The following UBAP2 variants were observed in gnomAD, a reference collection of about 807,000 sequenced individuals.
The protein encoded by UBAP2 is ubiquitin associated protein 2, also known as ubiquitin-associated protein 2.
UBAP2 carries 75 observed loss-of-function variants against 139.6 expected under a neutral mutation model. The ratio of observed to expected loss-of-function variants is 0.54; its 90% CI spans 0.45 to 0.65. The LOEUF (loss-of-function observed/expected upper bound fraction) is 0.65, where lower values mean the gene tolerates loss of function less well. UBAP2 is among the 30% of genes least tolerant of loss of function. The pLI, the probability that UBAP2 is intolerant of heterozygous loss-of-function variation, is 0.00. For synonymous variants in UBAP2, 526 were observed against 526.2 expected, an observed-to-expected ratio of 1.00 and a Z score of 0.01; for missense variants, 1,368 against 1,369.6, an observed-to-expected ratio of 1.00 and a Z score of 0.02.
At chr9:33,933,697 A>T in intron 17 of UBAP2, 69 bp from the exon 18 acceptor site, 1 of 1,575,454 alleles carries the variant, frequency 6.3e-7, no homozygotes, top group Admixed American at 1.7e-5. Flanking sequence ...AGTGCCTGAA[A>T]ATATGCTCAA....
intron 6 of UBAP2, among the ~76,000 whole-genome samples, chr9:33,978,847 G>A (rs1820390368): frequency 6.6e-6 from 1 of 152,108 alleles, no homozygotes; most frequent in Admixed American, 6.6e-5. Flanking sequence ...AAACAGTAAG[G>A]TAAAGCAGTG....
At chr9:34,004,645 G>A (rs528872483) in intron 2 of UBAP2, among the ~76,000 whole-genome samples, 18 of 151,826 alleles carry the variant, frequency 1.2e-4, no homozygotes, top group Non-Finnish European at 1.8e-4. Context: ...TTAGCCGAGC[G>A]TGGTGGCGGG....
intron 10 of UBAP2, among the ~76,000 whole-genome samples, chr9:33,958,346 A>G (rs7020042): frequency 0.4 from 60,472 of 151,874 alleles, 12,428 homozygotes; most frequent in South Asian, 0.48. Context: ...AAGAGAAAAA[A>G]TAAATGAGAA....
At chr9:33,937,505 G>T (rs1207903634) in intron 16 of UBAP2, among the ~76,000 whole-genome samples, 1 of 150,918 alleles carries the variant, frequency 6.6e-6, no homozygotes, top group African/African-American at 2.4e-5. Flanking sequence ...TAGTCGGGAG[G>T]CTGAGGAAAG....
chr9:34,032,894 C>T (rs892171809), intron 1 of UBAP2, among the ~76,000 whole-genome samples: 1 of 131,766 alleles, frequency 7.6e-6, no homozygotes, highest in African/African-American at 2.8e-5. Context: ...CTGGCCTGGG[C>T]AACAGAGCAA....
At chr9:33,995,800 A>G (rs937343227) in intron 4 of UBAP2, 22 of 151,640 alleles carry the variant, frequency 1.5e-4, no homozygotes, top group African/African-American at 5.3e-4. Context: ...AAAAAAAAAA[A>G]GAAAACTTAA....
chr9:33,983,519 T>C (rs1820946284), intron 6 of UBAP2, among the ~76,000 whole-genome samples: 1 of 152,174 alleles, frequency 6.6e-6, no homozygotes, highest in African/African-American at 2.4e-5. Flanking sequence ...ACAATGATAT[T>C]TTAACCAGAA....
At position 34,041,852 on chromosome 9, in the gene UBAP2, C is replaced by T. The variant is rs7028987; in HGVS notation, c.-42+6973G>A. 6.4e-3 allele frequency among the ~76,000 whole-genome samples: 979 copies of T among 151,982 alleles called. 15 individuals carry two copies. The highest frequency in any genetic ancestry group is 0.022 in the African/African-American group (909 of 41,462). ...CAGCCTGGCTAACACAAGGAAACCC[C>T]GTCTCTACCAAAAAATACAAAAATT... On this transcript the variant is annotated intron_variant, in intron 1 of 28. Coordinates refer to ENST00000379238, the MANE Select transcript of UBAP2 (RefSeq NM_001370062.2).
At chr9:33,999,042 A>G (rs943869924) in intron 2 of UBAP2, among the ~76,000 whole-genome samples, 178 bp from the exon 3 acceptor site, 1 of 152,224 alleles carries the variant, frequency 6.6e-6, no homozygotes, top group African/African-American at 2.4e-5. Flanking sequence ...AAAAATAAGC[A>G]TCAAATTAAG....
At position 34,008,803 on chromosome 9, in the gene UBAP2, G is replaced by GA. The variant is rs1188195244; in HGVS notation, c.99+8246dup. ...AACATGGTGAAACCCCGTCTCTACT[G>GA]AAAAAACAAAAATTAGCTGAGCACA... is the stretch of plus-strand genomic sequence containing the variant. On this transcript the variant is annotated intron_variant, in intron 2 of 28. Coordinates refer to ENST00000379238, the MANE Select transcript of UBAP2 (RefSeq NM_001370062.2). 4.0e-5 allele frequency among the ~76,000 whole-genome samples: 6 copies of GA among 151,124 alleles called. No individual in the cohort carries two copies. In the East Asian group the frequency reaches 9.8e-4, roughly 25 times the overall value.
chr9:33,922,685 A>C lies in UBAP2; in HGVS notation c.3264+2T>G. 1 of 1,555,344 alleles carries C rather than the reference A, an allele frequency of 6.4e-7. No individual in the cohort carries two copies. ...GGTGGCTGCCTCCATCACTGTACTC[A>C]CCTGTGCATCCTGCGGAAGGTGGTG... On this transcript the variant is annotated splice_donor_variant, in intron 28 of 28. Transcript: ENST00000379238. LOFTEE classifies it high-confidence loss of function.
At position 33,968,262 on chromosome 9, in the gene UBAP2, C is replaced by G. The variant is rs1225932703; in HGVS notation, c.679+3389G>C. 20 of 620,412 alleles carry G rather than the reference C, an allele frequency of 3.2e-5. No individual in the cohort carries two copies. The Admixed American group carries it at 3.7e-4, about 12-fold the overall frequency. The allele number at this position is 620,412 out of a possible 1,614,324, so 38.4% of individuals were successfully genotyped here. On this transcript the variant is annotated intron_variant, in intron 8 of 28. Coordinates refer to ENST00000379238, the MANE Select transcript of UBAP2 (RefSeq NM_001370062.2). ...GTAAACAGGAAGCTGGATGCAAGTC[C>G]TTCCATAATATACTGTCCATTTACT...
chr9:34,035,514 A>AAAATATATATATATATATAT, intron 1 of UBAP2, among the ~76,000 whole-genome samples: 546 of 22,438 alleles, frequency 0.024, 44 homozygotes, highest in Middle Eastern at 0.056. Context: ...AAAAAAAAAA[A>AAAATATATATATATATATAT]ATATATATAT....
chr9:33,925,521 T>C lies in UBAP2; in HGVS notation c.2511+1096A>G, dbSNP rs151321203. On this transcript the variant is annotated intron_variant, in intron 22 of 28. Coordinates refer to ENST00000379238, the MANE Select transcript of UBAP2 (RefSeq NM_001370062.2). ...GCCAAAAGAGTGCTGTGAATAAGTG[T>C]GGAGACCACGGAGAGCCCCTGAAGC... Among the ~76,000 whole-genome samples the C allele has an allele frequency of 6.1e-3, 924 of 152,268 alleles. 7 individuals carry two copies. Among genetic ancestry groups the C allele is most frequent in the African/African-American group, 0.021 (872 of 41,550 alleles).
intron 22 of UBAP2, among the ~76,000 whole-genome samples, chr9:33,925,135 C>T (rs771131571): frequency 2.6e-5 from 4 of 152,132 alleles, no homozygotes; most frequent in Non-Finnish European, 5.9e-5. Flanking sequence ...CAGGGCCTCG[C>T]ACTCCTGGAC....
chr9:34,005,307 T>C (rs1225070383), intron 2 of UBAP2, among the ~76,000 whole-genome samples: 1 of 148,512 alleles, frequency 6.7e-6, no homozygotes, highest in African/African-American at 2.5e-5. Context: ...TGGTGGCGCA[T>C]ACCTGTAGTC....
At chr9:33,999,907 T>TATGTATG (rs56853849) in intron 2 of UBAP2, among the ~76,000 whole-genome samples, 5,962 of 77,772 alleles carry the variant, frequency 0.077, 193 homozygotes, top group Middle Eastern at 0.16. Flanking sequence ...TGTATGTATG[T>TATGTATG]TATTTTGAGA....
chr9:33,932,780 G>T, intron 18 of UBAP2, 152 bp from the exon 19 acceptor site: 1 of 785,170 alleles, frequency 1.3e-6, no homozygotes, highest in Non-Finnish European at 2.0e-6. Context: ...TCCCCACAGA[G>T]CCCAGTGATG....
At chr9:33,990,593 TA>T in intron 4 of UBAP2, among the ~76,000 whole-genome samples, 1 of 151,860 alleles carries the variant, frequency 6.6e-6, no homozygotes, top group Non-Finnish European at 1.5e-5. Context: ...AGCATGCATC[TA>T]TTGTAACCTT....
Sources: allele counts gnomAD v4.1 joint callset (sites outside exome capture counted in the v4.1 genomes callset), GRCh38; gene constraint gnomAD v4.1.1; transcripts MANE v1.5; gene names NCBI Gene and HGNC (gene_info 2026-07-23, HGNC 2026-07-21).